DEPTOR: variants seen among roughly 807,000 people sequenced by gnomAD.
The protein encoded by DEPTOR is DEP domain-containing mTOR-interacting protein.
DEPTOR carries 41 observed loss-of-function variants against 41.6 expected under a neutral mutation model. The observed-to-expected ratio is 0.98, with a 90% confidence interval of 0.77 to 1.28. The LOEUF (loss-of-function observed/expected upper bound fraction) is 1.28. Among genes scored for constraint, DEPTOR ranks in the 50% most tolerant of loss-of-function variants. The probability of loss-of-function intolerance (pLI) is 0.00; values close to 1 mark genes in which losing one functional copy is unlikely to be tolerated. For missense variants in DEPTOR, 514 were observed against 527.9 expected (o/e 0.97, Z 0.26); for synonymous variants, 195 against 192.3 (o/e 1.01, Z -0.12).
At chr8:119,933,144 G>A (rs534973133) in intron 3 of DEPTOR, among the ~76,000 whole-genome samples, 9 of 152,150 alleles carry the variant, frequency 5.9e-5, no homozygotes, top group South Asian at 4.2e-4. Flanking sequence ...GACTCATGCC[G>A]CTCTCACCCC....
chr8:119,895,147 A>G (rs1420116200), intron 1 of DEPTOR, among the ~76,000 whole-genome samples: 1 of 152,218 alleles, frequency 6.6e-6, no homozygotes, highest in African/African-American at 2.4e-5. Context: ...ACTTTCAGGA[A>G]TGGAAAGTGT....
intron 4 of DEPTOR, among the ~76,000 whole-genome samples, chr8:119,975,634 A>G (rs970045503): frequency 6.6e-6 from 1 of 152,086 alleles, no homozygotes; most frequent in Non-Finnish European, 1.5e-5. Flanking sequence ...TTTTCAGTAT[A>G]CTGACTTATC....
rs1345008466 is a variant in DEPTOR, at chr8:119,965,223, T to C, written c.426-9T>C. The C allele has an allele frequency of 6.3e-7, 1 of 1,598,670 alleles. No homozygotes were observed. Among genetic ancestry groups the C allele is most frequent in the Non-Finnish European group, 8.5e-7 (1 of 1,175,602 alleles). On this transcript the variant is annotated splice_polypyrimidine_tract_variant and intron_variant, in intron 3 of 8. Coordinates refer to ENST00000286234, the MANE Select transcript of DEPTOR (RefSeq NM_022783.4). ...GGTTTACTTTTCTTTTCCCTTTTTT[T>C]CTTCCCAGGCTGATGAGCCCTGAAA...
At chr8:119,946,102 A>T (rs1213337100) in intron 3 of DEPTOR, among the ~76,000 whole-genome samples, 4 of 152,138 alleles carry the variant, frequency 2.6e-5, no homozygotes, top group African/African-American at 7.2e-5. Flanking sequence ...TTGCTAAATG[A>T]AAACATCCCC....
intron 3 of DEPTOR, among the ~76,000 whole-genome samples, chr8:119,930,964 C>T (rs1423779790): frequency 6.6e-6 from 1 of 152,076 alleles, no homozygotes; most frequent in Non-Finnish European, 1.5e-5. Context: ...GTAATCCTAG[C>T]ACTTTGGGAG....
chr8:120,048,002 C>T (rs1055856868), intron 8 of DEPTOR, among the ~76,000 whole-genome samples: 10 of 151,150 alleles, frequency 6.6e-5, no homozygotes, highest in African/African-American at 2.4e-4. Flanking sequence ...CACAGCACTC[C>T]AGCCTGGGCA....
chr8:119,884,965 G>T (rs1827345240), intron 1 of DEPTOR, among the ~76,000 whole-genome samples: 1 of 152,172 alleles, frequency 6.6e-6, no homozygotes, highest in Admixed American at 6.6e-5. Context: ...TAGTAGAGAT[G>T]AGGTTTTACC....
At chr8:119,976,845 C>T (rs1240414359) in intron 4 of DEPTOR, among the ~76,000 whole-genome samples, 1 of 151,992 alleles carries the variant, frequency 6.6e-6, no homozygotes, top group Non-Finnish European at 1.5e-5. Flanking sequence ...GGTAGTTGTT[C>T]CACCCTCCCC....
chr8:119,922,261 C>T (rs13266040), intron 1 of DEPTOR, among the ~76,000 whole-genome samples: 1 of 151,014 alleles, frequency 6.6e-6, no homozygotes, highest in Non-Finnish European at 1.5e-5. Flanking sequence ...AAGATAAATA[C>T]TATCTAATAA....
intron 4 of DEPTOR, among the ~76,000 whole-genome samples, chr8:119,970,958 C>T (rs1487077096): frequency 2.0e-5 from 3 of 152,140 alleles, no homozygotes; most frequent in Non-Finnish European, 2.9e-5. Flanking sequence ...CGGCCGGGCA[C>T]AGTGGCTCAC....
chr8:119,873,999 C>T (rs1326020215), intron 1 of DEPTOR, 31 bp downstream of exon 1: 1 of 1,611,652 alleles, frequency 6.2e-7, no homozygotes, highest in Non-Finnish European at 8.5e-7. Flanking sequence ...GGTGAGCTCA[C>T]GATGGCACTG....
Position 120,009,142 on chromosome 8 carries a change from G to C in DEPTOR, c.1101+9G>C. On this transcript the variant is annotated intron_variant, in intron 8 of 8. Transcript: ENST00000286234. ...CCGCAGCAGGAATGAAGGTACTAAC[G>C]GGTCTTTCTCACCCTCTTTTATATC... is the stretch of plus-strand genomic sequence containing the variant. 1 of 1,611,834 alleles carries C rather than the reference G, an allele frequency of 6.2e-7. No individual in the cohort carries two copies.
intron 8 of DEPTOR, among the ~76,000 whole-genome samples, chr8:120,042,914 A>G (rs893713233): frequency 1.3e-5 from 2 of 150,370 alleles, no homozygotes; most frequent in Non-Finnish European, 2.9e-5. Flanking sequence ...CAGTAGTGCA[A>G]TCTTGGCTCA....
intron 1 of DEPTOR, among the ~76,000 whole-genome samples, chr8:119,926,775 A>G (rs1376126955): frequency 1.3e-5 from 2 of 152,142 alleles, no homozygotes; most frequent in African/African-American, 4.8e-5. Flanking sequence ...TCCTTAGCCA[A>G]TCCTATAGTA....
intron 4 of DEPTOR, among the ~76,000 whole-genome samples, chr8:119,994,092 G>A (rs147210299): frequency 0.02 from 3,034 of 150,954 alleles, 47 homozygotes; most frequent in Non-Finnish European, 0.034. Flanking sequence ...ATCTGAGATC[G>A]CACCATTGCA....
intron 8 of DEPTOR, among the ~76,000 whole-genome samples, chr8:120,017,233 T>C (rs1812626343): frequency 6.6e-6 from 1 of 152,228 alleles, no homozygotes; most frequent in African/African-American, 2.4e-5. Flanking sequence ...TTCCAACAAC[T>C]GCTGAAGCTG....
chr8:119,939,500 G>A (rs181965541), intron 3 of DEPTOR, among the ~76,000 whole-genome samples: 86 of 152,150 alleles, frequency 5.7e-4, no homozygotes, highest in East Asian at 1.7e-3. Flanking sequence ...GGCTTTTTTC[G>A]TTTTTGAGCC....
chr8:120,046,956 A>G (rs1813161577), intron 8 of DEPTOR, among the ~76,000 whole-genome samples: 1 of 151,432 alleles, frequency 6.6e-6, no homozygotes, highest in African/African-American at 2.4e-5. Context: ...AGCCATGGCC[A>G]CATGGCCATC....
intron 4 of DEPTOR, among the ~76,000 whole-genome samples, chr8:119,981,178 T>C (rs550686697): frequency 6.6e-6 from 1 of 152,316 alleles, no homozygotes; most frequent in South Asian, 2.1e-4. Context: ...CAGGTTCTCC[T>C]AAAGAATCGA....
Sources: gnomAD v4.1 joint callset for allele counts (sites outside exome capture counted in the v4.1 genomes callset) on GRCh38, gnomAD v4.1.1 for gene constraint, MANE v1.5 for transcripts, NCBI Gene and HGNC (gene_info 2026-07-23, HGNC 2026-07-21) for gene names.